ARID1B: variants seen among roughly 807,000 people sequenced by gnomAD.
ARID1B encodes the protein AT-rich interactive domain-containing protein 1B.
A neutral mutation model predicts 212.3 loss-of-function variants in ARID1B; 30 were observed. That is an observed-to-expected ratio of 0.14 (90% CI 0.11 to 0.19). The LOEUF (loss-of-function observed/expected upper bound fraction) is 0.19. Ranked by LOEUF, ARID1B falls within the 10% of genes least tolerant of loss-of-function variation. The probability of loss-of-function intolerance (pLI) is 1.00; values close to 1 mark genes in which losing one functional copy is unlikely to be tolerated. For missense variants in ARID1B, 2,891 were observed against 3,204.0 expected (o/e 0.90, Z 2.36); for synonymous variants, 1,402 against 1,301.7 (o/e 1.08, Z -1.66).
At chr6:156,989,587 T>C (rs1193621501) in intron 4 of ARID1B, among the ~76,000 whole-genome samples, 3 of 152,234 alleles carry the variant, frequency 2.0e-5, no homozygotes, top group African/African-American at 7.2e-5. Flanking sequence ...CGCCCCATAG[T>C]TGTGTGACTG....
intron 1 of ARID1B, among the ~76,000 whole-genome samples, chr6:156,799,530 G>C (rs1174446718): frequency 6.6e-6 from 1 of 152,230 alleles, no homozygotes; most frequent in East Asian, 1.9e-4. Flanking sequence ...ACAGGCTGGA[G>C]TGCAGTGGTG....
chr6:157,056,925 G>T (rs1782996817), intron 4 of ARID1B, among the ~76,000 whole-genome samples: 1 of 150,870 alleles, frequency 6.6e-6, no homozygotes, highest in African/African-American at 2.4e-5. Flanking sequence ...TTAAGTTCAG[G>T]GGTACATGTG....
intron 3 of ARID1B, among the ~76,000 whole-genome samples, chr6:156,909,123 C>CTTTTTTTTTTTTT (rs60183999): frequency 6.4e-5 from 7 of 108,822 alleles, no homozygotes; most frequent in African/African-American, 1.1e-4. Context: ...TTTTCTTTCT[C>CTTTTTTTTTTTTT]TTTTTTTTTT....
At chr6:156,874,748 A>G (rs950083910) in intron 2 of ARID1B, among the ~76,000 whole-genome samples, 6 of 152,062 alleles carry the variant, frequency 3.9e-5, no homozygotes, top group Admixed American at 2.6e-4. Flanking sequence ...CTTTCCCTGT[A>G]TCTCTGTCTG....
chr6:157,113,273 A>G (rs1787065658), intron 6 of ARID1B, among the ~76,000 whole-genome samples: 1 of 152,164 alleles, frequency 6.6e-6, no homozygotes, highest in South Asian at 2.1e-4. Context: ...GCTAAATGTG[A>G]ATTGATTTTT....
At chr6:156,901,889 G>T in intron 3 of ARID1B, 1 of 244,814 alleles carries the variant, frequency 4.1e-6, no homozygotes, top group Non-Finnish European at 7.9e-6. Flanking sequence ...AATCCTTCTA[G>T]TTGGCACGTG....
chr6:156,813,687 G>A (rs897322908), intron 1 of ARID1B, among the ~76,000 whole-genome samples: 1 of 152,016 alleles, frequency 6.6e-6, no homozygotes, highest in Non-Finnish European at 1.5e-5. Flanking sequence ...TGAATTTGTC[G>A]AACCCTGTTC....
At chr6:156,854,467 G>A (rs1645143649) in intron 2 of ARID1B, among the ~76,000 whole-genome samples, 1 of 152,236 alleles carries the variant, frequency 6.6e-6, no homozygotes, top group Admixed American at 6.5e-5. Context: ...CTGGAGCAGA[G>A]CACGGAAGAT....
At chr6:157,152,489 G>A (rs1173064776) in intron 8 of ARID1B, 1 of 152,184 alleles carries the variant, frequency 6.6e-6, no homozygotes, top group Non-Finnish European at 1.5e-5. Flanking sequence ...CCCCATGACT[G>A]TTAGCTGTGA....
At chr6:156,848,557 T>A (rs899985824) in intron 2 of ARID1B, among the ~76,000 whole-genome samples, 2 of 152,242 alleles carry the variant, frequency 1.3e-5, no homozygotes, top group Non-Finnish European at 2.9e-5. Flanking sequence ...CCATTAGTAA[T>A]TAGGATAACT....
chr6:157,165,154 G>T (rs1235350878), intron 8 of ARID1B, among the ~76,000 whole-genome samples: 3 of 152,228 alleles, frequency 2.0e-5, no homozygotes, highest in Non-Finnish European at 4.4e-5. Flanking sequence ...CTGTGCAATT[G>T]TGTGCATGAG....
Position 157,029,532 on chromosome 6 carries a change from G to A in ARID1B, c.2248-55130G>A, listed in dbSNP as rs1780895366. Among the ~76,000 whole-genome samples, 3 of 152,338 alleles carry A rather than the reference G, an allele frequency of 2.0e-5. No individual in the cohort carries two copies. In the South Asian group the frequency reaches 6.2e-4, roughly 32 times the overall value. On this transcript the variant is annotated intron_variant, in intron 4 of 19. Transcript: ENST00000636930. ...TGTGAAGTTGACATTTCAGTAAAGG[G>A]AGAAAGGTGATACACAAATGAATAA...
chr6:156,819,500 T>C lies in ARID1B; in HGVS notation c.1792-9727T>C, dbSNP rs1198946629. 2.6e-5 allele frequency among the ~76,000 whole-genome samples: 4 copies of C among 152,224 alleles called. No individual in the cohort carries two copies. The East Asian group carries it at 7.7e-4, about 29-fold the overall frequency. ...GTAGCTTAGTCAGACAGTAATTTAC[T>C]CATTGAATTGACTTACAAGCTGCTG... On this transcript the variant is annotated intron_variant, in intron 1 of 19. Coordinates refer to ENST00000636930, the MANE Select transcript of ARID1B (RefSeq NM_001374828.1).
chr6:157,186,504 C>A, intron 13 of ARID1B: 1 of 471,192 alleles, frequency 2.1e-6, no homozygotes, highest in Non-Finnish European at 4.4e-6. Flanking sequence ...TCTTCAGAAG[C>A]CTCTCGATTC....
chr6:156,807,275 A>T (rs1197419449), intron 1 of ARID1B, among the ~76,000 whole-genome samples: 1 of 152,122 alleles, frequency 6.6e-6, no homozygotes, highest in Non-Finnish European at 1.5e-5. Flanking sequence ...CCAGCGGATC[A>T]CGTGGTGTCG....
intron 2 of ARID1B, among the ~76,000 whole-genome samples, chr6:156,883,752 G>A (rs1787288269): frequency 6.9e-6 from 1 of 145,860 alleles, no homozygotes; most frequent in Non-Finnish European, 1.6e-5. Context: ...CTGAGTGGCA[G>A]GTGCTGGAGG....
At chr6:156,990,945 C>T (rs1173647016) in intron 4 of ARID1B, among the ~76,000 whole-genome samples, 3 of 152,218 alleles carry the variant, frequency 2.0e-5, no homozygotes, top group Non-Finnish European at 2.9e-5. Flanking sequence ...ATAGTAACAA[C>T]AACTAACATT....
At chr6:156,838,505 C>T (rs1451915833) in intron 2 of ARID1B, among the ~76,000 whole-genome samples, 2 of 151,978 alleles carry the variant, frequency 1.3e-5, no homozygotes, top group Admixed American at 6.6e-5. Flanking sequence ...CCAACGATAG[C>T]GAGAGCGTAC....
chr6:157,062,299 C>T (rs368197878), intron 4 of ARID1B, among the ~76,000 whole-genome samples: 1 of 151,878 alleles, frequency 6.6e-6, no homozygotes, highest in East Asian at 1.9e-4. Context: ...TGGGCTCAAG[C>T]AGTCTTCCAG....
Sources: allele counts gnomAD v4.1 joint callset (sites outside exome capture counted in the v4.1 genomes callset), GRCh38; gene constraint gnomAD v4.1.1; transcripts MANE v1.5; gene names NCBI Gene and HGNC (gene_info 2026-07-23, HGNC 2026-07-21).